Variants in WDFY4 observed in about 807,000 individuals in gnomAD.
WDFY4 encodes WDFY family member 4.
Under a neutral mutation model 351.9 loss-of-function variants are expected in WDFY4, and 169 were observed. That is an observed-to-expected ratio of 0.48 (90% CI 0.42 to 0.55). The LOEUF is 0.55. WDFY4 is among the 20% of genes least tolerant of loss of function. The pLI, the probability that WDFY4 is intolerant of heterozygous loss-of-function variation, is 0.00. For missense variants in WDFY4, 3,803 were observed against 3,935.6 expected (o/e 0.97, Z 0.90); for synonymous variants, 1,622 against 1,574.6 (o/e 1.03, Z -0.71).
At chr10:48,838,694 T>C (rs2068491673) in intron 39 of WDFY4, among the ~76,000 whole-genome samples, 1 of 152,252 alleles carries the variant, frequency 6.6e-6, no homozygotes, top group Non-Finnish European at 1.5e-5. Flanking sequence ...TCTCTCCTTA[T>C]GACTTCCCAC....
chr10:48,971,884 G>A (rs76932320), intron 57 of WDFY4, among the ~76,000 whole-genome samples: 2,291 of 152,274 alleles, frequency 0.015, 23 homozygotes, highest in Admixed American at 0.025. Context: ...GGAAATGAAA[G>A]ACTGGAGTGC....
intron 12 of WDFY4, among the ~76,000 whole-genome samples, chr10:48,750,640 A>G (rs2065154840): frequency 6.6e-6 from 1 of 152,260 alleles, no homozygotes; most frequent in Non-Finnish European, 1.5e-5. Context: ...TTAATTGTGT[A>G]ATCTTCCTTG....
At position 48,780,127 on chromosome 10, in the gene WDFY4, G is replaced by A. The variant is rs1486260125; in HGVS notation, c.3576+8G>A. 1.3e-6 allele frequency: 2 copies of A among 1,551,734 alleles called. No individual in the cohort carries two copies. The highest frequency in any genetic ancestry group is 2.0e-5 in the Admixed American group (1 of 50,998). On this transcript the variant is annotated splice_region_variant and intron_variant, in intron 19 of 61. Coordinates refer to ENST00000325239, the MANE Select transcript of WDFY4 (RefSeq NM_001394531.1). The stretch of plus-strand genomic sequence containing the variant: ...GTCATTGGCTCTGCCAAGGTGAGAT[G>A]GCTCCTCCAAGCTGCACTTGCCCCA...
intron 25 of WDFY4, 132 bp from the exon 26 acceptor site, chr10:48,805,128 A>G (rs183958756): frequency 4.2e-5 from 46 of 1,106,896 alleles, no homozygotes; most frequent in Non-Finnish European, 5.6e-5. Flanking sequence ...GCATCTTGAC[A>G]AATTGCCAAG....
chr10:48,808,734 A>G (rs1441765263), intron 28 of WDFY4, among the ~76,000 whole-genome samples: 1 of 152,258 alleles, frequency 6.6e-6, no homozygotes, highest in Non-Finnish European at 1.5e-5. Context: ...TAGAACTGGA[A>G]GATGCCTTGG....
At chr10:48,759,894 A>G (rs1379308587) in intron 12 of WDFY4, among the ~76,000 whole-genome samples, 1 of 152,050 alleles carries the variant, frequency 6.6e-6, no homozygotes, top group Non-Finnish European at 1.5e-5. Context: ...CATGAGTTCT[A>G]AGTGTTTTAG....
At chr10:48,970,902 A>T (rs970140034) in intron 57 of WDFY4, among the ~76,000 whole-genome samples, 2 of 152,232 alleles carry the variant, frequency 1.3e-5, no homozygotes, top group African/African-American at 4.8e-5. Context: ...ACCAGCCCTC[A>T]TAGAGAATGC....
chr10:48,868,252 C>T (rs148848407), intron 40 of WDFY4, among the ~76,000 whole-genome samples: 65 of 152,352 alleles, frequency 4.3e-4, no homozygotes, highest in African/African-American at 1.5e-3. Flanking sequence ...AAACACACAG[C>T]TTAGCAACAT....
chr10:48,687,768 C>G (rs184469607), intron 1 of WDFY4, among the ~76,000 whole-genome samples: 1 of 148,906 alleles, frequency 6.7e-6, no homozygotes, highest in South Asian at 2.1e-4. Flanking sequence ...GTACATGCCA[C>G]CACACCTGGC....
chr10:48,757,499 C>A (rs1319349637), intron 12 of WDFY4, among the ~76,000 whole-genome samples: 2 of 151,972 alleles, frequency 1.3e-5, no homozygotes, highest in African/African-American at 4.8e-5. Flanking sequence ...TTTAACCTAT[C>A]TATATCACAA....
chr10:48,894,627 G>C (rs895318303), intron 44 of WDFY4, among the ~76,000 whole-genome samples: 2 of 152,274 alleles, frequency 1.3e-5, no homozygotes, highest in Non-Finnish European at 2.9e-5. Context: ...CATGTCCTGA[G>C]CTCAGGGGAA....
chr10:48,751,345 G>C (rs2065175111), intron 12 of WDFY4, among the ~76,000 whole-genome samples: 1 of 152,196 alleles, frequency 6.6e-6, no homozygotes, highest in Non-Finnish European at 1.5e-5. Flanking sequence ...GTTTGTTCCT[G>C]CCTTCTGTAG....
In WDFY4 at chr10:48,772,225, G is replaced by A. The variant is rs553720880; in HGVS notation, c.2554-2233G>A. ...AGAGCTGAAGGAGGATGCGCTCACA[G>A]CAAAGTCTTGTCTCAGCCGGAGCCC... On this transcript the variant is annotated intron_variant, in intron 13 of 61. Coordinates refer to ENST00000325239, the MANE Select transcript of WDFY4 (RefSeq NM_001394531.1). Among the ~76,000 whole-genome samples, 5 of 152,190 alleles carry A rather than the reference G, an allele frequency of 3.3e-5. No individual in the cohort carries two copies. In the South Asian group the frequency reaches 1.0e-3, roughly 32 times the overall value.
At chr10:48,698,347 A>G (rs7911189) in intron 1 of WDFY4, among the ~76,000 whole-genome samples, 90,669 of 152,080 alleles carry the variant, frequency 0.6, 27,122 homozygotes, top group East Asian at 0.71. Flanking sequence ...CAGGGCTTGA[A>G]GCTTGTGGCT....
chr10:48,740,257 G>A (rs11101447), intron 11 of WDFY4, among the ~76,000 whole-genome samples: 14,147 of 152,240 alleles, frequency 0.093, 764 homozygotes, highest in Middle Eastern at 0.17. Context: ...GACGCGTGCC[G>A]TACCACATCG....
At position 48,727,372 on chromosome 10, in the gene WDFY4, C is replaced by T. The variant is rs1423313408; in HGVS notation, c.782-98C>T. The T allele has an allele frequency of 4.0e-6, 5 of 1,241,376 alleles. No individual in the cohort carries two copies. The Admixed American group carries it at 1.3e-4, about 31-fold the overall frequency. The allele number at this position is 1,241,376 out of a possible 1,614,324, so 76.9% of individuals were successfully genotyped here. ...GTTTTGGATTAATTCCCATTCATGT[C>T]TTGACATGTTGTTTGGAGTAGGGGA... On this transcript the variant is annotated intron_variant, in intron 6 of 61. Transcript: ENST00000325239.
intron 27 of WDFY4, among the ~76,000 whole-genome samples, chr10:48,807,392 A>G (rs1468010442): frequency 6.6e-6 from 1 of 152,160 alleles, no homozygotes; most frequent in African/African-American, 2.4e-5. Flanking sequence ...TACCTCTGCT[A>G]TGATTTGAGT....
At position 48,970,281 on chromosome 10, in the gene WDFY4, C is replaced by T. The variant is rs1292882244; in HGVS notation, c.8920C>T (p.Leu2974Phe). The T allele has an allele frequency of 6.4e-7, 1 of 1,550,728 alleles. No homozygotes were observed. The highest frequency in any genetic ancestry group is 1.4e-5 in the African/African-American group (1 of 73,174). ...CAAAGGCCGCCCGAGGGGCTTGCGC[C>T]TCCGGCAGGTATGGTCCAGCTCGTG... Reference protein sequence around the residue: ...MTKGRPRGLRLRQALYGHTQA... With the variant: ...MTKGRPRGLRFRQALYGHTQA... The change falls in exon 57 of 62, where the codon CTC (leucine) becomes TTC (phenylalanine). Residue 2974 changes from leucine (L) to phenylalanine (F), a missense_variant. Leu to Phe is a conservative substitution (Grantham distance 22, BLOSUM62 0). This residue lies in a region of WDFY4 where 3,054 missense variants were observed against 3,148.6 expected (regional missense o/e 0.97). Coordinates refer to ENST00000325239, the MANE Select transcript of WDFY4 (RefSeq NM_001394531.1).
At chr10:48,763,609 A>G (rs1374749779) in intron 13 of WDFY4, among the ~76,000 whole-genome samples, 1 of 152,246 alleles carries the variant, frequency 6.6e-6, no homozygotes, top group Non-Finnish European at 1.5e-5. Context: ...GAGTCATCAC[A>G]TCACCATATG....
Sources: gnomAD v4.1 joint callset for allele counts (sites outside exome capture counted in the v4.1 genomes callset) on GRCh38, gnomAD v4.1.1 for gene constraint, gnomAD v4.1.1 regional missense constraint, MANE v1.5 for transcripts, NCBI Gene and HGNC (gene_info 2026-07-23, HGNC 2026-07-21) for gene names.